Variants in MCTP2 observed in about 807,000 individuals in gnomAD.
The protein encoded by MCTP2 is multiple C2 and transmembrane domain-containing protein 2.
MCTP2 carries 132 observed loss-of-function variants against 111.6 expected under a neutral mutation model. The ratio of observed to expected loss-of-function variants is 1.18; its 90% CI spans 1.03 to 1.37. The LOEUF is 1.37. Among genes scored for constraint, MCTP2 ranks in the 40% most tolerant of loss-of-function variants. The pLI is 0.00. For missense variants in MCTP2, 1,183 were observed against 1,067.9 expected (o/e 1.11, Z -1.50); for synonymous variants, 395 against 387.7 (o/e 1.02, Z -0.22).
In MCTP2 at chr15:94,325,812, A is replaced by ATTTTT. The variant is rs557989149; in HGVS notation, c.637+10197_637+10201dup. On this transcript the variant is annotated intron_variant, in intron 4 of 22. Transcript: ENST00000357742. ...GAACCTACTCTACTCCATCGCTCCGATTTTTTTTTTTTTTTTTTTTTTTTT... is the reference window on the plus strand; with the variant it reads ...GAACCTACTCTACTCCATCGCTCCGATTTTTTTTTTTTTTTTTTTTTTTTTTTTTT... Among the ~76,000 whole-genome samples the ATTTTT allele has an allele frequency of 3.6e-3, 328 of 91,856 alleles. 35 individuals are homozygous for ATTTTT. Among genetic ancestry groups the ATTTTT allele is most frequent in the African/African-American group, 0.014 (308 of 22,330 alleles). The allele number at this position is 91,856 out of a possible 152,430, so 60.3% of individuals were successfully genotyped here.
At chr15:94,444,507 T>A (rs1258696620) in intron 19 of MCTP2, among the ~76,000 whole-genome samples, 1 of 152,174 alleles carries the variant, frequency 6.6e-6, no homozygotes, top group Non-Finnish European at 1.5e-5. Flanking sequence ...AGCTCCCCCA[T>A]CATCAGAGGC....
Position 94,298,254 on chromosome 15 carries a change from C to G in MCTP2, c.-12C>G. The G allele has an allele frequency of 6.3e-7, 1 of 1,586,110 alleles. No individual in the cohort carries two copies. Among genetic ancestry groups the G allele is most frequent in the Non-Finnish European group, 8.6e-7 (1 of 1,166,540 alleles). ...ACTTCTGAGAAGTGGCTTCTTGGGT[C>G]TTCATGCAGCCATGGATCTGGATAA... is the stretch of plus-strand genomic sequence containing the variant. On this transcript the variant is annotated 5_prime_UTR_variant, in exon 2 of 23. Coordinates refer to ENST00000357742, the MANE Select transcript of MCTP2 (RefSeq NM_001385001.1).
intron 1 of MCTP2, among the ~76,000 whole-genome samples, chr15:94,236,120 A>G (rs1457245415): frequency 6.6e-6 from 1 of 152,146 alleles, no homozygotes; most frequent in Non-Finnish European, 1.5e-5. Context: ...TGGATTACCC[A>G]GCGGGGAGTG....
At chr15:94,366,156 G>A (rs1231113789) in intron 10 of MCTP2, among the ~76,000 whole-genome samples, 1 of 152,096 alleles carries the variant, frequency 6.6e-6, no homozygotes, top group Non-Finnish European at 1.5e-5. Context: ...TTCATAGATA[G>A]TAATGCAATT....
At chr15:94,278,042 G>T (rs1218666485) in intron 1 of MCTP2, 2 of 152,068 alleles carry the variant, frequency 1.3e-5, no homozygotes, top group African/African-American at 4.8e-5. Flanking sequence ...GATATAAAAA[G>T]TATATTCATG....
intron 14 of MCTP2, among the ~76,000 whole-genome samples, chr15:94,393,385 T>C (rs1225387025): frequency 6.6e-6 from 1 of 152,196 alleles, no homozygotes; most frequent in East Asian, 1.9e-4. Context: ...ATTGAGGAAA[T>C]GATAAACTAC....
rs568285043 is a variant in MCTP2 at position 94,345,296 on chromosome 15, C to G, written c.1005+132C>G. The G allele has an allele frequency of 2.9e-5, 26 of 901,036 alleles. No homozygotes were observed. The African/African-American group carries it at 4.3e-4, about 15-fold the overall frequency. The allele number at this position is 901,036 out of a possible 1,614,324, so 55.8% of individuals were successfully genotyped here. On this transcript the variant is annotated intron_variant, in intron 8 of 22. Transcript: ENST00000357742. ...AATTCTTTTCCTCTTACTGCTGTTA[C>G]GAATAAGAAAACAACCTTCCTTTAA... is the stretch of plus-strand genomic sequence containing the variant.
In MCTP2 at chr15:94,245,519, T is replaced by C. The variant is rs148212871; in HGVS notation, c.-66+13855T>C. The stretch of plus-strand genomic sequence containing the variant: ...GTATTTATATATGTATACATATATG[T>C]ATATATTTATATACATACATGTATA... On this transcript the variant is annotated intron_variant, in intron 1 of 22. Coordinates refer to ENST00000357742, the MANE Select transcript of MCTP2 (RefSeq NM_001385001.1). Among the ~76,000 whole-genome samples, 400 of 142,460 alleles carry C rather than the reference T, an allele frequency of 2.8e-3. 5 individuals are homozygous for C. Among genetic ancestry groups the C allele is most frequent in the African/African-American group, 9.4e-3 (369 of 39,354 alleles). 93.5% of individuals were successfully genotyped at this position (142,460 alleles called of 152,430 possible).
chr15:94,440,813 C>A (rs1231179524), intron 18 of MCTP2, among the ~76,000 whole-genome samples: 3 of 152,130 alleles, frequency 2.0e-5, no homozygotes, highest in Admixed American at 6.6e-5. Flanking sequence ...TTGCAGGTGC[C>A]CACATTTGTC....
In MCTP2 at chr15:94,349,774, C is replaced by T. The variant is rs923782504; in HGVS notation, c.1005+4610C>T. The stretch of plus-strand genomic sequence containing the variant: ...GGTGGAGCTTGCAGTGAGCCGAGAT[C>T]GCAGCACTGCACTCCAGCCTGGGCA... On this transcript the variant is annotated intron_variant, in intron 8 of 22. Coordinates refer to ENST00000357742, the MANE Select transcript of MCTP2 (RefSeq NM_001385001.1). Among the ~76,000 whole-genome samples the T allele has an allele frequency of 1.7e-4, 25 of 145,666 alleles. 1 individual carries two copies. The highest frequency in any genetic ancestry group is 1.5e-3 in the Admixed American group (22 of 14,284).
intron 4 of MCTP2, among the ~76,000 whole-genome samples, chr15:94,327,441 T>A (rs1486011546): frequency 6.6e-6 from 1 of 152,252 alleles, no homozygotes; most frequent in East Asian, 1.9e-4. Flanking sequence ...TGTTCTCTTG[T>A]TCGGCATCAG....
chr15:94,314,225 C>T, intron 2 of MCTP2, 57 bp from the exon 3 acceptor site: 1 of 1,201,464 alleles, frequency 8.3e-7, no homozygotes, highest in Non-Finnish European at 1.2e-6. Context: ...GGGTATCTTC[C>T]TGAGTTGGTA....
intron 2 of MCTP2, 133 bp from the exon 3 acceptor site, chr15:94,314,149 G>T: frequency 1.6e-6 from 1 of 612,936 alleles, no homozygotes; most frequent in East Asian, 2.8e-5. Flanking sequence ...CACACAAACA[G>T]GAAGGCGGCC....
intron 20 of MCTP2, among the ~76,000 whole-genome samples, chr15:94,463,536 T>C (rs1480889825): frequency 6.6e-6 from 1 of 152,202 alleles, no homozygotes; most frequent in Non-Finnish European, 1.5e-5. Context: ...TGTATAAGAA[T>C]AATTTTTTCT....
At chr15:94,389,861 T>C (rs1596552377) in intron 14 of MCTP2, among the ~76,000 whole-genome samples, 1 of 152,002 alleles carries the variant, frequency 6.6e-6, no homozygotes, top group Admixed American at 6.5e-5. Context: ...TGTCTAAGTA[T>C]AAAGTATGGA....
intron 17 of MCTP2, among the ~76,000 whole-genome samples, chr15:94,412,908 GA>G (rs982301852): frequency 1.3e-4 from 20 of 151,554 alleles, no homozygotes; most frequent in African/African-American, 4.1e-4. Context: ...GTTTAGCTGT[GA>G]AAAAAAATTA....
chr15:94,352,277 T>C lies in MCTP2; in HGVS notation c.1006-3860T>C, dbSNP rs923108526. Among the ~76,000 whole-genome samples, 7 of 152,182 alleles carry C rather than the reference T, an allele frequency of 4.6e-5. No homozygotes were observed. The East Asian group carries it at 1.3e-3, about 29-fold the overall frequency. On this transcript the variant is annotated intron_variant, in intron 8 of 22. Coordinates refer to ENST00000357742, the MANE Select transcript of MCTP2 (RefSeq NM_001385001.1). ...GGATGGTCTTGAACGAGAAGTAAAT[T>C]AGTGTTTTCAAAGCTCTTTTACAGA...
At chr15:94,472,676 A>C (rs780705951) in intron 21 of MCTP2, among the ~76,000 whole-genome samples, 8 of 152,212 alleles carry the variant, frequency 5.3e-5, no homozygotes, top group Non-Finnish European at 1.2e-4. Flanking sequence ...TTACATTTTA[A>C]ACAGAAGCTC....
intron 17 of MCTP2, among the ~76,000 whole-genome samples, chr15:94,415,810 A>G (rs946155139): frequency 6.6e-6 from 1 of 152,180 alleles, no homozygotes; most frequent in African/African-American, 2.4e-5. Flanking sequence ...GGAGAATCCT[A>G]ACTCAATCTT....
Sources: gnomAD v4.1 joint callset for allele counts (sites outside exome capture counted in the v4.1 genomes callset) on GRCh38, gnomAD v4.1.1 for gene constraint, MANE v1.5 for transcripts, NCBI Gene and HGNC (gene_info 2026-07-23, HGNC 2026-07-21) for gene names.